DZANK1: variants seen among roughly 807,000 people sequenced by gnomAD.
DZANK1 encodes the protein double zinc ribbon and ankyrin repeat-containing protein 1.
A neutral mutation model predicts 94.5 loss-of-function variants in DZANK1; 91 were observed. That is an observed-to-expected ratio of 0.96 (90% CI 0.81 to 1.15). The LOEUF (loss-of-function observed/expected upper bound fraction) is 1.15. DZANK1 is among the 50% of genes most tolerant of loss of function. The pLI is 0.00. For missense variants in DZANK1, 903 were observed against 916.4 expected (o/e 0.99, Z 0.19); for synonymous variants, 312 against 325.3 (o/e 0.96, Z 0.44).
At position 18,453,832 on chromosome 20, in the gene DZANK1, G is replaced by A; in HGVS notation, c.379-5C>T. The A allele has an allele frequency of 6.6e-7, 1 of 1,520,266 alleles. No homozygotes were observed. Among genetic ancestry groups the A allele is most frequent in the Non-Finnish European group, 9.1e-7 (1 of 1,094,864 alleles). The allele number at this position is 1,520,266 out of a possible 1,614,324, so 94.2% of individuals were successfully genotyped here. ...AACAAATCCATTTTTGAATTCCTAG[G>A]AATGAAGAGATTGCATATCAATCAC... On this transcript the variant is annotated splice_region_variant and splice_polypyrimidine_tract_variant and intron_variant, in intron 4 of 20. Transcript: ENST00000262547.
Position 18,441,337 on chromosome 20 carries a change from A to G in DZANK1, c.747+2010T>C, listed in dbSNP as rs1028308363. On this transcript the variant is annotated intron_variant, in intron 8 of 20. Transcript: ENST00000262547. The surrounding 1 kb of genome is among the most constrained non-coding windows in gnomAD (Gnocchi z 4.1). ...AAGACCAAACCACTTCCAAAATCCCATTTCCCAGTTTATTTCCTGGGACCA... is the reference window on the plus strand; with the variant it reads ...AAGACCAAACCACTTCCAAAATCCCGTTTCCCAGTTTATTTCCTGGGACCA... Among the ~76,000 whole-genome samples the G allele has an allele frequency of 6.6e-6, 1 of 152,074 alleles. No homozygotes were observed. The highest frequency in any genetic ancestry group is 2.4e-5 in the African/African-American group (1 of 41,384).
intron 19 of DZANK1, among the ~76,000 whole-genome samples, chr20:18,386,147 A>G (rs1296247837): frequency 2.0e-5 from 3 of 152,302 alleles, no homozygotes; most frequent in Middle Eastern, 3.4e-3. Context: ...ATTGATCCCT[A>G]TGGAGAAAAA....
intron 7 of DZANK1, among the ~76,000 whole-genome samples, chr20:18,446,371 A>G (rs1225599523): frequency 6.6e-6 from 1 of 152,232 alleles, no homozygotes; most frequent in Non-Finnish European, 1.5e-5. Flanking sequence ...ATTTGGAAAT[A>G]TAATAAAACA....
In DZANK1 at chr20:18,412,747, T is replaced by C. The variant is rs374735349; in HGVS notation, c.1331A>G (p.Lys444Arg). ...TTCCTGTTCCTTTTTTGCTAGCAGC[T>C]TGCCAGATGGGTAGAAGAGGCCAAC... The change falls in exon 13 of 21, where the codon AAG becomes AGG. Residue 444 changes from lysine to arginine, a missense_variant. Lys to Arg is a conservative substitution (Grantham distance 26, BLOSUM62 2). Transcript: ENST00000262547. 93 of 1,613,708 alleles carry C rather than the reference T, an allele frequency of 5.8e-5. No homozygotes were observed. The highest frequency in any genetic ancestry group is 7.4e-5 in the Non-Finnish European group (87 of 1,179,806).
chr20:18,400,939 T>C (rs982837392), intron 13 of DZANK1, among the ~76,000 whole-genome samples: 7 of 152,086 alleles, frequency 4.6e-5, no homozygotes, highest in African/African-American at 1.7e-4. Context: ...AATAGATCTA[T>C]ACTTCTTTTT....
chr20:18,441,701 GA>G lies in DZANK1; in HGVS notation c.747+1645del, dbSNP rs2058720638. The stretch of plus-strand genomic sequence containing the variant: ...GGTGACACAGATCAGAGCCAGCAAG[GA>G]AAAAGCCGCCCACTGGGATCCAATG... On this transcript the variant is annotated intron_variant, in intron 8 of 20. Coordinates refer to ENST00000262547, the Ensembl canonical transcript of DZANK1. This position sits in a 1 kb window ranked among gnomAD's most constrained non-coding sequence, Gnocchi z 4.1. Among the ~76,000 whole-genome samples, 2 of 152,190 alleles carry G rather than the reference GA, an allele frequency of 1.3e-5. No homozygotes were observed. Among genetic ancestry groups the G allele is most frequent in the African/African-American group, 4.8e-5 (2 of 41,456 alleles).
chr20:18,421,336 C>T (rs2057769925), intron 10 of DZANK1: 1 of 166,768 alleles, frequency 6.0e-6, no homozygotes, highest in Admixed American at 6.1e-5. Flanking sequence ...ATATGTGACG[C>T]TTACAGATTT....
At chr20:18,392,502 A>G (rs886107044) in intron 17 of DZANK1, among the ~76,000 whole-genome samples, 1 of 152,182 alleles carries the variant, frequency 6.6e-6, no homozygotes, top group African/African-American at 2.4e-5. Context: ...GCATCATGCA[A>G]GTGTCCAGCT....
At chr20:18,406,264 G>A (rs911506243) in intron 13 of DZANK1, among the ~76,000 whole-genome samples, 3 of 152,240 alleles carry the variant, frequency 2.0e-5, no homozygotes, top group Non-Finnish European at 4.4e-5. Flanking sequence ...ACTCCAGGCA[G>A]TGCAGCTCAT....
In DZANK1 at chr20:18,402,270, C is replaced by T. The variant is rs151070503; in HGVS notation, c.1433-3644G>A. ...TCTCTAAAATAACAATTGGCTGCAG[C>T]TGGTGCCAGGGGACAGCGGTCTCCC... On this transcript the variant is annotated intron_variant, in intron 13 of 20. Transcript: ENST00000262547. Among the ~76,000 whole-genome samples the T allele has an allele frequency of 7.9e-3, 1,207 of 152,250 alleles. 15 individuals carry two copies. The highest frequency in any genetic ancestry group is 0.027 in the African/African-American group (1,125 of 41,546).
chr20:18,405,952 A>C (rs1467597563), intron 13 of DZANK1, among the ~76,000 whole-genome samples: 1 of 152,224 alleles, frequency 6.6e-6, no homozygotes, highest in African/African-American at 2.4e-5. Context: ...GCTGAAAATA[A>C]AGCCGTGCTG....
intron 6 of DZANK1, 103 bp downstream of exon 6, chr20:18,452,512 C>A: frequency 7.5e-7 from 1 of 1,339,006 alleles, no homozygotes; most frequent in Non-Finnish European, 1.0e-6. Context: ...CAGTGCCTGG[C>A]ACATGGTCAA....
intron 6 of DZANK1, 117 bp from the exon 7 acceptor site, chr20:18,449,186 T>C (rs576943717): frequency 3.1e-5 from 25 of 805,432 alleles, no homozygotes; most frequent in Non-Finnish European, 6.0e-6. Flanking sequence ...CATAGACATA[T>C]AAAGAGGAAT....
Position 18,445,747 on chromosome 20 carries a change from A to AT in DZANK1, c.630-2284_630-2283insA, listed in dbSNP as rs555236866. Among the ~76,000 whole-genome samples, 8 of 152,040 alleles carry AT rather than the reference A, an allele frequency of 5.3e-5. No homozygotes were observed. The South Asian group carries it at 6.2e-4, about 12-fold the overall frequency. ...GAAAACCCCACCCCTGCCACAAAAA[A>AT]ATATATATATACAAGGTTTTTTGTT... On this transcript the variant is annotated intron_variant, in intron 7 of 20. Transcript: ENST00000262547.
At chr20:18,394,618 A>T (rs774403323) in intron 15 of DZANK1, 1 of 634,666 alleles carries the variant, frequency 1.6e-6, no homozygotes, top group Non-Finnish European at 3.0e-6. Flanking sequence ...TGGGACCATC[A>T]CAATAGCCTT....
At chr20:18,449,000 C>G (rs1411474126) in exon 7 of DZANK1, 1 of 1,613,578 alleles carries the variant, frequency 6.2e-7, no homozygotes, top group Admixed American at 1.7e-5. Flanking sequence ...AAGTCTGTCT[C>G]CCTTTGAATT....
chr20:18,433,798 C>A, intron 8 of DZANK1, 33 bp from the exon 9 acceptor site: 1 of 1,576,568 alleles, frequency 6.3e-7, no homozygotes, highest in Non-Finnish European at 8.7e-7. Context: ...TTATCTTGCA[C>A]ATAAAAACTG....
At chr20:18,460,285 T>C (rs937827339) in exon 3 of DZANK1, 3 of 1,571,972 alleles carry the variant, frequency 1.9e-6, no homozygotes. Context: ...CAGAGTATAA[T>C]ATATGTTGAC....
chr20:18,429,253 C>T (rs2058184205), intron 9 of DZANK1, among the ~76,000 whole-genome samples: 1 of 152,184 alleles, frequency 6.6e-6, no homozygotes, highest in African/African-American at 2.4e-5. Context: ...GAAGAGAAAA[C>T]TGGAGAACAA....
Sources: allele counts gnomAD v4.1 joint callset (sites outside exome capture counted in the v4.1 genomes callset), GRCh38; gene constraint gnomAD v4.1.1; non-coding constraint Gnocchi (gnomAD v3.1); transcripts MANE v1.5; gene names NCBI Gene and HGNC (gene_info 2026-07-23, HGNC 2026-07-21).